The following NEDD9 variants were observed in gnomAD, a reference collection of about 807,000 sequenced individuals.
NEDD9 encodes the protein neural precursor cell expressed, developmentally down-regulated 9.
Under a neutral mutation model 76.6 loss-of-function variants are expected in NEDD9, and 26 were observed. The ratio of observed to expected loss-of-function variants is 0.34; its 90% CI spans 0.25 to 0.47. NEDD9 has a LOEUF of 0.47. Among genes scored for constraint, NEDD9 ranks in the 20% least tolerant of loss-of-function variants. The pLI, the probability that NEDD9 is intolerant of heterozygous loss-of-function variation, is 1.00. For missense variants in NEDD9, 937 were observed against 1,058.5 expected, an observed-to-expected ratio of 0.89 and a Z score of 1.59; for synonymous variants, 392 against 414.2, an observed-to-expected ratio of 0.95 and a Z score of 0.65.
chr6:11,206,157 G>T (rs1258214750), intron 2 of NEDD9, among the ~76,000 whole-genome samples: 1 of 152,130 alleles, frequency 6.6e-6, no homozygotes, highest in African/African-American at 2.4e-5. Flanking sequence ...GATGGCTCAT[G>T]TCTGTAATCC....
intron 1 of NEDD9, 86 bp downstream of exon 1, chr6:11,232,418 G>GTC (rs1370773468): frequency 5.3e-6 from 8 of 1,522,328 alleles, no homozygotes; most frequent in Middle Eastern, 1.7e-4. Flanking sequence ...ACAAGGGACT[G>GTC]ACAGTAAGGA....
chr6:11,232,604 T>A lies in NEDD9; in HGVS notation c.-89A>T. The A allele has an allele frequency of 1.9e-6, 3 of 1,608,488 alleles. No homozygotes were observed. The highest frequency in any genetic ancestry group is 1.7e-6 in the Non-Finnish European group (2 of 1,177,396). On this transcript the variant is annotated 5_prime_UTR_variant, in exon 1 of 7. Coordinates refer to ENST00000379446, the MANE Select transcript of NEDD9 (RefSeq NM_006403.4). ...CCCGCCCCTCCATTGAGTGCAGCGC[T>A]AGATGAAAGCGAGAAGGTCCCGGGC...
chr6:11,364,887 G>T (rs1351663794), intron 1 of NEDD9, among the ~76,000 whole-genome samples: 4 of 152,088 alleles, frequency 2.6e-5, no homozygotes, highest in Non-Finnish European at 5.9e-5. Flanking sequence ...TTATGGTACA[G>T]TTCCTTTATA....
intron 1 of NEDD9, among the ~76,000 whole-genome samples, chr6:11,381,229 C>G (rs1292148640): frequency 6.6e-6 from 1 of 152,196 alleles, no homozygotes; most frequent in Non-Finnish European, 1.5e-5. Context: ...TCTTCACACC[C>G]CATGCTGGGT....
intron 1 of NEDD9, 103 bp downstream of exon 1, chr6:11,232,401 G>T: frequency 7.0e-7 from 1 of 1,429,192 alleles, no homozygotes. Context: ...AGAACTCTCC[G>T]GGACACACAA....
At position 11,232,561 on chromosome 6, in the gene NEDD9, G is replaced by A. The variant is rs768801016; in HGVS notation, c.-46C>T. 2 of 1,613,884 alleles carry A rather than the reference G, an allele frequency of 1.2e-6. No homozygotes were observed. The highest frequency in any genetic ancestry group is 1.7e-6 in the Non-Finnish European group (2 of 1,180,020). ...CCGTTTTCCTACACTAGTTAAGACA[G>A]CATTAAGCACTGCGGTGCCCGCCCC... is the stretch of plus-strand genomic sequence containing the variant. On this transcript the variant is annotated 5_prime_UTR_variant, in exon 1 of 7. Transcript: ENST00000379446.
chr6:11,250,261 G>A (rs1289364941), intron 3 of NEDD9, among the ~76,000 whole-genome samples: 1 of 152,194 alleles, frequency 6.6e-6, no homozygotes, highest in Non-Finnish European at 1.5e-5. Context: ...TGCTGGCCCT[G>A]GGTGAGAGTT....
intron 3 of NEDD9, among the ~76,000 whole-genome samples, chr6:11,284,566 AAAAAAAT>A (rs1442768872): frequency 2.6e-5 from 4 of 151,510 alleles, no homozygotes; most frequent in Non-Finnish European, 5.9e-5. Context: ...ACTCTGTCTC[AAAAAAAT>A]AAAAAATAAA....
At chr6:11,356,660 A>G (rs1260935201) in intron 1 of NEDD9, among the ~76,000 whole-genome samples, 2 of 152,072 alleles carry the variant, frequency 1.3e-5, no homozygotes, top group Admixed American at 1.3e-4. Context: ...CAGTAGCATC[A>G]TTTTAGACCA....
chr6:11,257,553 G>A (rs1306026462), intron 3 of NEDD9, among the ~76,000 whole-genome samples: 1 of 152,174 alleles, frequency 6.6e-6, no homozygotes, highest in Non-Finnish European at 1.5e-5. Context: ...TTTTGTCAGT[G>A]TTCCCATTCT....
At chr6:11,336,312 TAG>T (rs1414238915) in intron 1 of NEDD9, among the ~76,000 whole-genome samples, 3 of 152,352 alleles carry the variant, frequency 2.0e-5, no homozygotes, top group Non-Finnish European at 4.4e-5. Context: ...ACAAAGTGCA[TAG>T]AGTGTACTCA....
At chr6:11,204,719 C>CAAAA (rs58621043) in intron 2 of NEDD9, among the ~76,000 whole-genome samples, 47 of 64,658 alleles carry the variant, frequency 7.3e-4, no homozygotes, top group East Asian at 2.4e-3. Flanking sequence ...GGGTCCGTCT[C>CAAAA]AAAAAAAAAA....
chr6:11,235,938 C>T (rs749960909), upstream of NEDD9, among the ~76,000 whole-genome samples: 2 of 152,122 alleles, frequency 1.3e-5, no homozygotes, highest in African/African-American at 4.8e-5. This position sits in a 1 kb window ranked among gnomAD's most constrained non-coding sequence, Gnocchi z 4.1. Flanking sequence ...ATCTGTTTCT[C>T]TCCGGTTTGT....
chr6:11,203,845 T>C (rs1758524929), intron 2 of NEDD9, among the ~76,000 whole-genome samples: 1 of 152,130 alleles, frequency 6.6e-6, no homozygotes, highest in South Asian at 2.1e-4. Flanking sequence ...TTGGCATAGC[T>C]CTGTCTTCCA....
intron 3 of NEDD9, among the ~76,000 whole-genome samples, chr6:11,293,197 T>TTTTG (rs1760816967): frequency 1.4e-5 from 1 of 73,710 alleles, no homozygotes; most frequent in Non-Finnish European, 3.0e-5. Flanking sequence ...TAAGTCTATG[T>TTTTG]TTTTTTTTTT....
Position 11,311,338 on chromosome 6 carries a change from C to T in NEDD9, c.-152-5183G>A, listed in dbSNP as rs137856444. 1.5e-3 allele frequency among the ~76,000 whole-genome samples: 235 copies of T among 152,318 alleles called. 4 individuals are homozygous for T. The highest frequency in any genetic ancestry group is 5.2e-3 in the African/African-American group (218 of 41,564). On this transcript the variant is annotated intron_variant, in intron 2 of 3. Transcript: ENST00000397378. ...GATGTCCTTATAAAGAGGAGCAATA[C>T]GGAGAGGAAAGCTGATATGAAGAAA...
intron 1 of NEDD9, among the ~76,000 whole-genome samples, chr6:11,353,445 C>A (rs892696260): frequency 6.6e-6 from 1 of 152,192 alleles, no homozygotes; most frequent in East Asian, 1.9e-4. Context: ...GATGCTGCCA[C>A]AAGCCCAGGA....
chr6:11,355,878 G>T (rs1018929141), intron 1 of NEDD9, among the ~76,000 whole-genome samples: 1 of 149,622 alleles, frequency 6.7e-6, no homozygotes, highest in Non-Finnish European at 1.5e-5. Flanking sequence ...CCGCCACCAC[G>T]CCCGGCTAAT....
At chr6:11,365,770 ACTT>A (rs1261429193) in intron 1 of NEDD9, among the ~76,000 whole-genome samples, 5 of 151,888 alleles carry the variant, frequency 3.3e-5, no homozygotes, top group African/African-American at 7.2e-5. Flanking sequence ...TGGGCGGATC[ACTT>A]TGAGCTCAGG....
Sources: allele counts gnomAD v4.1 joint callset (sites outside exome capture counted in the v4.1 genomes callset), GRCh38; gene constraint gnomAD v4.1.1; non-coding constraint Gnocchi (gnomAD v3.1); transcripts MANE v1.5; gene names NCBI Gene and HGNC (gene_info 2026-07-23, HGNC 2026-07-21).